The following NFASC variants were observed in gnomAD, a reference collection of about 807,000 sequenced individuals.
NFASC encodes the protein neurofascin, also known as neurofascin homolog.
NFASC carries 43 observed loss-of-function variants against 147.5 expected under a neutral mutation model. The ratio of observed to expected loss-of-function variants is 0.29; its 90% confidence interval spans 0.23 to 0.38. The LOEUF (loss-of-function observed/expected upper bound fraction) is 0.38, where lower values mean the gene tolerates loss of function less well. Among genes scored for constraint, NFASC ranks in the 10% least tolerant of loss-of-function variants. The pLI is 1.00. For synonymous variants in NFASC, 622 were observed against 665.5 expected (o/e 0.93, Z 1.01); for missense variants, 1,320 against 1,689.0 (o/e 0.78, Z 3.83).
intron 21 of NFASC, among the ~76,000 whole-genome samples, chr1:204,982,677 G>A (rs1466524747): frequency 1.3e-5 from 2 of 152,252 alleles, no homozygotes; most frequent in Non-Finnish European, 2.9e-5. Context: ...TTCCCAGACG[G>A]TGGTGGCCTC....
intron 2 of NFASC, among the ~76,000 whole-genome samples, chr1:204,921,896 CTCAGAACAGTG>C (rs1355501501): frequency 6.6e-6 from 1 of 151,880 alleles, no homozygotes; most frequent in East Asian, 1.9e-4. Context: ...CACCACTTAT[CTCAGAACAGTG>C]TCAGGTTTCA....
intron 2 of NFASC, among the ~76,000 whole-genome samples, chr1:204,937,818 A>G (rs61192625): frequency 0.034 from 5,109 of 152,288 alleles, 230 homozygotes; most frequent in African/African-American, 0.1. Flanking sequence ...TTGGTTCAAC[A>G]TATATTTACT....
In NFASC at chr1:205,011,450, C is replaced by T. The variant is rs550174092; in HGVS notation, c.3422-1347C>T. 5.8e-3 allele frequency among the ~76,000 whole-genome samples: 889 copies of T among 152,338 alleles called. 6 individuals are homozygous for T. Among genetic ancestry groups the T allele is most frequent in the Middle Eastern group, 0.014 (4 of 294 alleles). ...TTAGGGAAAAGGCTGCCTCCTCCGT[C>T]TGACAGTCAGACTTGGGTGGACTGA... On this transcript the variant is annotated intron_variant, in intron 28 of 29. Coordinates refer to ENST00000339876, the MANE Select transcript of NFASC (RefSeq NM_001005388.3).
intron 2 of NFASC, among the ~76,000 whole-genome samples, 159 bp downstream of exon 2, chr1:204,920,899 C>G (rs1178493727): frequency 1.3e-5 from 2 of 152,090 alleles, no homozygotes; most frequent in Non-Finnish European, 2.9e-5. Flanking sequence ...AGATAGAAGC[C>G]CTGAGTTGCC....
intron 1 of NFASC, among the ~76,000 whole-genome samples, chr1:204,876,743 T>A (rs1479921139): frequency 6.6e-6 from 1 of 152,098 alleles, no homozygotes; most frequent in East Asian, 1.9e-4. Flanking sequence ...AACATAATGT[T>A]GTCAAGGCTC....
At chr1:204,967,274 A>G (rs1314354356) in intron 8 of NFASC, among the ~76,000 whole-genome samples, 1 of 151,972 alleles carries the variant, frequency 6.6e-6, no homozygotes, top group Non-Finnish European at 1.5e-5. Flanking sequence ...GGGTTTCTGG[A>G]TGGAAAATTC....
intron 24 of NFASC, chr1:204,993,667 G>C (rs985521619): frequency 1.1e-5 from 5 of 465,576 alleles, no homozygotes; most frequent in African/African-American, 2.0e-5. Flanking sequence ...TCTGCCCGCT[G>C]TCCTTGGTCG....
intron 1 of NFASC, among the ~76,000 whole-genome samples, chr1:204,908,619 A>G (rs2149297174): frequency 1.3e-5 from 2 of 152,252 alleles, no homozygotes; most frequent in Admixed American, 1.3e-4. Context: ...ACAATATCAC[A>G]ACCAGGATAT....
Position 204,997,319 on chromosome 1 carries a change from G to T in NFASC, c.2932G>T (p.Ala978Ser). Residue 978 changes from alanine to serine, a missense_variant, in exon 25 of 30, where the codon GCC becomes TCC. Physicochemically the swap from Ala to Ser is moderately conservative, Grantham distance 99 (BLOSUM62 1). This residue lies in a region of NFASC where 172 missense variants were observed against 165.8 expected (regional missense o/e 1.04). Transcript: ENST00000339876. ...CACCATCGCCACCACCACCACCGTC[G>T]CCACAACTACTACAACCACTGCTGC... Reference protein sequence around the residue: ...PTTIATTTTVATTTTTTAAAT... With the variant: ...PTTIATTTTVSTTTTTTAAAT... The T allele has an allele frequency of 6.3e-7, 1 of 1,582,046 alleles. No homozygotes were observed. The highest frequency in any genetic ancestry group is 8.6e-7 in the Non-Finnish European group (1 of 1,164,152).
chr1:204,974,611 C>T, intron 13 of NFASC, 46 bp from the exon 14 acceptor site: 1 of 1,609,116 alleles, frequency 6.2e-7, no homozygotes, highest in Non-Finnish European at 8.5e-7. Flanking sequence ...TGCCCTTGGG[C>T]TGGTCCTGTC....
At chr1:205,005,935 C>T (rs1164107146) in intron 27 of NFASC, among the ~76,000 whole-genome samples, 1 of 152,198 alleles carries the variant, frequency 6.6e-6, no homozygotes, top group Non-Finnish European at 1.5e-5. Flanking sequence ...GGAATGATGA[C>T]TTTCTTTCCC....
chr1:204,834,295 A>G (rs1463554095), intron 1 of NFASC, among the ~76,000 whole-genome samples: 2 of 152,154 alleles, frequency 1.3e-5, no homozygotes, highest in East Asian at 3.9e-4. Flanking sequence ...TCTCTGTAAA[A>G]TTACAGGGTT....
chr1:204,844,118 G>A (rs550781583), intron 1 of NFASC, among the ~76,000 whole-genome samples: 1 of 152,304 alleles, frequency 6.6e-6, no homozygotes, highest in Admixed American at 6.5e-5. Context: ...TGGAGCAAGA[G>A]CCAGGGCCCA....
intron 1 of NFASC, among the ~76,000 whole-genome samples, chr1:204,837,385 A>G (rs558531883): frequency 9.2e-5 from 14 of 152,344 alleles, no homozygotes; most frequent in South Asian, 2.1e-4. Context: ...GTGGTCAGGC[A>G]TGGTGAATTG....
chr1:204,914,041 T>A (rs190275943), intron 1 of NFASC, among the ~76,000 whole-genome samples: 2 of 150,586 alleles, frequency 1.3e-5, no homozygotes, highest in Admixed American at 6.6e-5. Context: ...ATGAAAAAAA[T>A]TTCATGCATA....
At chr1:204,988,494 G>T in intron 22 of NFASC, 139 bp from the exon 23 acceptor site, 1 of 740,918 alleles carries the variant, frequency 1.3e-6, no homozygotes, top group South Asian at 1.8e-5. Flanking sequence ...TTTGAACCAA[G>T]CCTTTAAGAT....
At chr1:204,961,818 A>G (rs1193314495) in intron 8 of NFASC, among the ~76,000 whole-genome samples, 1 of 152,242 alleles carries the variant, frequency 6.6e-6, no homozygotes, top group Non-Finnish European at 1.5e-5. Flanking sequence ...AGCAGGACCA[A>G]TTAATTAAAG....
chr1:204,955,464 C>T (rs1400848080), intron 7 of NFASC, among the ~76,000 whole-genome samples: 3 of 152,108 alleles, frequency 2.0e-5, no homozygotes, highest in East Asian at 3.9e-4. Context: ...TATTCTGATT[C>T]GCTCTTCTGG....
intron 1 of NFASC, 48 bp from the exon 2 acceptor site, chr1:204,920,584 C>A: frequency 1.0e-6 from 1 of 968,312 alleles, no homozygotes; most frequent in Non-Finnish European, 1.4e-6. Flanking sequence ...TTTTTTCTTC[C>A]TTTCTTAGAG....
Sources: gnomAD v4.1 joint callset for allele counts (sites outside exome capture counted in the v4.1 genomes callset) on GRCh38, gnomAD v4.1.1 for gene constraint, gnomAD v4.1.1 regional missense constraint, MANE v1.5 for transcripts, NCBI Gene and HGNC (gene_info 2026-07-23, HGNC 2026-07-21) for gene names.